The following GTF2A1 variants were observed in gnomAD, a reference collection of about 807,000 sequenced individuals.
The protein encoded by GTF2A1 is general transcription factor IIA subunit 1.
GTF2A1 carries 12 observed loss-of-function variants against 54.1 expected under a neutral mutation model. The observed-to-expected ratio is 0.22, with a 90% CI of 0.14 to 0.36. The LOEUF (loss-of-function observed/expected upper bound fraction) is 0.36, where lower values mean the gene tolerates loss of function less well. Among genes scored for constraint, GTF2A1 ranks in the 10% least tolerant of loss-of-function variants. The pLI, the probability that GTF2A1 is intolerant of heterozygous loss-of-function variation, is 1.00. For synonymous variants in GTF2A1, 145 were observed against 152.0 expected, an observed-to-expected ratio of 0.95 and a Z score of 0.34; for missense variants, 335 against 442.2, an observed-to-expected ratio of 0.76 and a Z score of 2.17.
chr14:81,189,677 A>G (rs1275611371), intron 7 of GTF2A1, among the ~76,000 whole-genome samples: 1 of 152,198 alleles, frequency 6.6e-6, no homozygotes, highest in African/African-American at 2.4e-5. Context: ...TCTCAAAAAA[A>G]AAATGGATCA....
intron 7 of GTF2A1, among the ~76,000 whole-genome samples, chr14:81,191,884 G>A (rs1219067489): frequency 3.3e-5 from 5 of 152,108 alleles, no homozygotes; most frequent in Admixed American, 3.3e-4. Context: ...TTTGTACTAA[G>A]AAACAAAAAG....
rs2140141393 is a variant in GTF2A1 at position 81,176,901 on chromosome 14, TCATAA to T, written c.*3317_*3321del. The T allele has an allele frequency of 6.6e-6, 1 of 152,126 alleles. No individual in the cohort carries two copies. Among genetic ancestry groups the T allele is most frequent in the Non-Finnish European group, 1.5e-5 (1 of 67,950 alleles). The allele number at this position is 152,126 out of a possible 1,614,324, so 9.4% of individuals were successfully genotyped here. A position where few individuals can be genotyped will look rare whatever the true frequency, so the allele number is the denominator to read the frequency against. On this transcript the variant is annotated 3_prime_UTR_variant, in exon 9 of 9. Transcript: ENST00000553612. The stretch of plus-strand genomic sequence containing the variant: ...TTCTCAAGTAGAAGAAAATGCTAAG[TCATAA>T]AGAGAACTCCCAAGAGGAAATTATG...
intron 6 of GTF2A1, among the ~76,000 whole-genome samples, chr14:81,194,371 C>T (rs1371405857): frequency 6.6e-6 from 1 of 152,198 alleles, no homozygotes; most frequent in African/African-American, 2.4e-5. Flanking sequence ...GAGACTGCTG[C>T]TTTAAGGAGA....
chr14:81,220,782 T>G lies in GTF2A1; in HGVS notation c.-264A>C. 2.8e-6 allele frequency: 1 copy of G among 351,190 alleles called. No individual in the cohort carries two copies. Among genetic ancestry groups the G allele is most frequent in the Non-Finnish European group, 5.1e-6 (1 of 196,958 alleles). 21.8% of individuals were successfully genotyped at this position (351,190 alleles called of 1,614,324 possible). ...CGACCCTTCAGGGGTCCGGGGGGCG[T>G]TGCCCGCTCCCCACCCCGCGCCAAG... is the stretch of plus-strand genomic sequence containing the variant. On this transcript the variant is annotated 5_prime_UTR_variant, in exon 1 of 9. Coordinates refer to ENST00000553612, the MANE Select transcript of GTF2A1 (RefSeq NM_015859.4).
intron 2 of GTF2A1, among the ~76,000 whole-genome samples, chr14:81,205,801 A>G (rs1893216224): frequency 6.6e-6 from 1 of 152,236 alleles, no homozygotes; most frequent in South Asian, 2.1e-4. Context: ...AGTAACAAGC[A>G]CTACTTTCTG....
At chr14:81,220,401 G>A (rs1022356003) in intron 1 of GTF2A1, 88 bp downstream of exon 1, 2 of 870,282 alleles carry the variant, frequency 2.3e-6, no homozygotes, top group Non-Finnish European at 3.4e-6. Context: ...GTCGAGGCCG[G>A]GAGTCGCCGC....
intron 6 of GTF2A1, among the ~76,000 whole-genome samples, chr14:81,195,632 GAA>G (rs34366586): frequency 1.7e-5 from 2 of 118,540 alleles, no homozygotes; most frequent in Non-Finnish European, 1.7e-5. Flanking sequence ...ACTCTGTCTC[GAA>G]AAAAAAAAAA....
At chr14:81,195,597 A>C (rs1352682902) in intron 6 of GTF2A1, among the ~76,000 whole-genome samples, 5 of 144,166 alleles carry the variant, frequency 3.5e-5, no homozygotes, top group Non-Finnish European at 7.5e-5. Flanking sequence ...GCGCCACTGC[A>C]CTCCAGCCTG....
At chr14:81,214,870 G>GCTAGATT in intron 2 of GTF2A1, among the ~76,000 whole-genome samples, 1 of 152,278 alleles carries the variant, frequency 6.6e-6, no homozygotes, top group Non-Finnish European at 1.5e-5. Context: ...AAGGAAAATA[G>GCTAGATT]CTAGATTCTC....
chr14:81,220,346 G>T (rs1390161642), intron 1 of GTF2A1, 143 bp downstream of exon 1: 8 of 288,874 alleles, frequency 2.8e-5, no homozygotes, highest in Non-Finnish European at 4.6e-5. Flanking sequence ...CGATCCGCCC[G>T]AGGCGGGAAG....
intron 2 of GTF2A1, among the ~76,000 whole-genome samples, chr14:81,210,814 CAAA>C: frequency 6.6e-6 from 1 of 152,210 alleles, no homozygotes; most frequent in East Asian, 1.9e-4. Flanking sequence ...CTCGGCCTCC[CAAA>C]GTGCTGGAAT....
chr14:81,209,878 G>A, intron 2 of GTF2A1: 3 of 1,256,714 alleles, frequency 2.4e-6, no homozygotes, highest in Non-Finnish European at 3.1e-6. Flanking sequence ...ACCACACAAA[G>A]TCTACCATTT....
At chr14:81,181,889 A>G (rs1004772468) in intron 8 of GTF2A1, among the ~76,000 whole-genome samples, 2 of 152,148 alleles carry the variant, frequency 1.3e-5, no homozygotes, top group South Asian at 4.1e-4. Context: ...CCATGGCCTA[A>G]CCTCCCAGTG....
chr14:81,209,035 TG>T (rs1893304113), intron 2 of GTF2A1, among the ~76,000 whole-genome samples: 1 of 152,144 alleles, frequency 6.6e-6, no homozygotes, highest in African/African-American at 2.4e-5. Context: ...GTTAAGACTT[TG>T]GGGGACTGCT....
chr14:81,188,776 C>T (rs1202661419), intron 7 of GTF2A1, among the ~76,000 whole-genome samples: 7 of 12,384 alleles, frequency 5.7e-4, no homozygotes, highest in Non-Finnish European at 4.7e-3. Context: ...GACTCTGTCT[C>T]GAAAAAAAAA....
At chr14:81,200,942 G>A (rs1360423659) in intron 4 of GTF2A1, among the ~76,000 whole-genome samples, 1 of 150,782 alleles carries the variant, frequency 6.6e-6, no homozygotes, top group East Asian at 1.9e-4. Flanking sequence ...ATTTTCTAAG[G>A]ATCTGAAGAG....
chr14:81,177,861 A>C lies in GTF2A1; in HGVS notation c.*2362T>G, dbSNP rs772942115. 6.6e-6 allele frequency: 1 copy of C among 152,170 alleles called. No individual in the cohort carries two copies. Among genetic ancestry groups the C allele is most frequent in the Non-Finnish European group, 1.5e-5 (1 of 67,978 alleles). 9.4% of individuals were successfully genotyped at this position (152,170 alleles called of 1,614,324 possible). On this transcript the variant is annotated 3_prime_UTR_variant, in exon 9 of 9. Coordinates refer to ENST00000553612, the MANE Select transcript of GTF2A1 (RefSeq NM_015859.4). ...AAAACTAAAACATGCTATTTGATTA[A>C]AAAGGACACGATGCAAATAATATAT...
chr14:81,188,191 G>A (rs535277575), intron 7 of GTF2A1, among the ~76,000 whole-genome samples: 244 of 152,138 alleles, frequency 1.6e-3, no homozygotes, highest in Non-Finnish European at 2.8e-3. Flanking sequence ...TTGTTGTTAC[G>A]CTGTTTAAGA....
chr14:81,206,144 A>G (rs1046247228), intron 2 of GTF2A1, among the ~76,000 whole-genome samples: 2 of 152,190 alleles, frequency 1.3e-5, no homozygotes, highest in Non-Finnish European at 2.9e-5. Context: ...TCGACCCATC[A>G]CTTCTACGAA....
Sources: allele counts gnomAD v4.1 joint callset (sites outside exome capture counted in the v4.1 genomes callset), GRCh38; gene constraint gnomAD v4.1.1; transcripts MANE v1.5; gene names NCBI Gene and HGNC (gene_info 2026-07-23, HGNC 2026-07-21).